ASTN1: variants seen among roughly 807,000 people sequenced by gnomAD.
The protein encoded by ASTN1 is astrotactin 1.
In ASTN1, 41 loss-of-function variants were observed where a neutral mutation model predicts 140.7. The ratio of observed to expected loss-of-function variants is 0.29; its 90% confidence interval spans 0.23 to 0.38. The LOEUF is 0.38. ASTN1 is among the 10% of genes least tolerant of loss of function. The pLI is 1.00. For missense variants in ASTN1, 1,479 were observed against 1,678.8 expected, an observed-to-expected ratio of 0.88 and a Z score of 2.08; for synonymous variants, 640 against 652.2, an observed-to-expected ratio of 0.98 and a Z score of 0.29.
At chr1:176,953,903 A>C (rs547233814) in intron 11 of ASTN1, among the ~76,000 whole-genome samples, 3 of 152,306 alleles carry the variant, frequency 2.0e-5, no homozygotes, top group South Asian at 2.1e-4. Context: ...TTTCAGAATG[A>C]GTGTGAAGTT....
chr1:176,875,485 G>T (rs1668523661), intron 21 of ASTN1, among the ~76,000 whole-genome samples: 2 of 152,192 alleles, frequency 1.3e-5, no homozygotes, highest in Non-Finnish European at 2.9e-5. Context: ...GCAGATTAAA[G>T]ATGAAAATCT....
intron 16 of ASTN1, among the ~76,000 whole-genome samples, chr1:176,903,552 T>TGCATTATCTTATAC (rs1216559836): frequency 6.6e-6 from 1 of 152,208 alleles, no homozygotes; most frequent in Non-Finnish European, 1.5e-5. Context: ...AATTTGTGTG[T>TGCATTATCTTATAC]GCATTATCTT....
chr1:176,972,082 A>G (rs1377759493), intron 8 of ASTN1, among the ~76,000 whole-genome samples: 1 of 152,224 alleles, frequency 6.6e-6, no homozygotes, highest in African/African-American at 2.4e-5. Flanking sequence ...TACTATACTG[A>G]ATACTATAGG....
At chr1:177,090,591 G>C (rs939381457) in intron 1 of ASTN1, among the ~76,000 whole-genome samples, 1 of 152,104 alleles carries the variant, frequency 6.6e-6, no homozygotes. Flanking sequence ...ATACCCATTT[G>C]ATAATAAATT....
At chr1:177,100,354 A>T (rs2102128061) in intron 1 of ASTN1, among the ~76,000 whole-genome samples, 1 of 152,286 alleles carries the variant, frequency 6.6e-6, no homozygotes, top group Admixed American at 6.5e-5. Context: ...GCAACTAAAT[A>T]TCATTCATTA....
rs1283746042 is a variant in ASTN1 at position 176,863,410 on chromosome 1, T to C, written c.*874A>G. On this transcript the variant is annotated 3_prime_UTR_variant, in exon 23 of 23. Coordinates refer to ENST00000361833, the MANE Select transcript of ASTN1 (RefSeq NM_004319.3). The stretch of plus-strand genomic sequence containing the variant: ...GATAATCCAGGCACATGGATATATA[T>C]TGGTAGGCTGGAGAAGTCTATCCAA... The C allele has an allele frequency of 2.0e-6, 2 of 985,682 alleles. No individual in the cohort carries two copies. The highest frequency in any genetic ancestry group is 1.7e-5 in the African/African-American group (1 of 57,224). The allele number at this position is 985,682 out of a possible 1,614,324, so 61.1% of individuals were successfully genotyped here.
intron 1 of ASTN1, among the ~76,000 whole-genome samples, chr1:177,098,525 C>T (rs1680148724): frequency 6.6e-6 from 1 of 152,114 alleles, no homozygotes; most frequent in Non-Finnish European, 1.5e-5. Context: ...CCTTTCCATA[C>T]AGTGACAAAG....
chr1:177,098,347 C>G (rs919317095), intron 1 of ASTN1, among the ~76,000 whole-genome samples: 5 of 152,084 alleles, frequency 3.3e-5, no homozygotes, highest in African/African-American at 1.2e-4. Context: ...TGAGTAGGAA[C>G]AGATCATCAT....
At chr1:177,125,322 G>T (rs1681589201) in intron 1 of ASTN1, among the ~76,000 whole-genome samples, 1 of 152,170 alleles carries the variant, frequency 6.6e-6, no homozygotes, top group African/African-American at 2.4e-5. Flanking sequence ...TGAGTATAAT[G>T]AAATTAATGT....
intron 8 of ASTN1, among the ~76,000 whole-genome samples, chr1:176,999,712 G>A (rs1674626398): frequency 6.6e-6 from 1 of 152,106 alleles, no homozygotes; most frequent in African/African-American, 2.4e-5. Flanking sequence ...TCAGTATGGG[G>A]AGGGACCCGG....
intron 8 of ASTN1, among the ~76,000 whole-genome samples, chr1:176,996,289 T>TCTCTCA (rs1553240565): frequency 1.2e-4 from 16 of 129,302 alleles, no homozygotes; most frequent in South Asian, 7.8e-4. Context: ...TCTCTCTCTC[T>TCTCTCA]CACACACACA....
At chr1:176,934,361 A>G (rs779547506) in intron 15 of ASTN1, 21 bp from the exon 16 acceptor site, 44 of 1,579,812 alleles carry the variant, frequency 2.8e-5, no homozygotes, top group Admixed American at 3.4e-5. Context: ...GCATCACCCA[A>G]GGGTAAGAAT....
At chr1:177,161,599 A>G (rs554093466) in intron 1 of ASTN1, among the ~76,000 whole-genome samples, 1 of 152,338 alleles carries the variant, frequency 6.6e-6, no homozygotes, top group Non-Finnish European at 1.5e-5. Flanking sequence ...CAAAGTCTTG[A>G]AACAGTCCAG....
At chr1:176,942,467 G>A (rs978729450) in intron 14 of ASTN1, among the ~76,000 whole-genome samples, 1 of 152,048 alleles carries the variant, frequency 6.6e-6, no homozygotes, top group Non-Finnish European at 1.5e-5. Context: ...GTCTGGAAGA[G>A]ACCTACCCTT....
intron 20 of ASTN1, among the ~76,000 whole-genome samples, 159 bp downstream of exon 20, chr1:176,882,700 T>C (rs969438417): frequency 2.0e-5 from 3 of 152,226 alleles, no homozygotes; most frequent in Admixed American, 1.3e-4. Flanking sequence ...AGTGTCTAAG[T>C]ACTCGAGAAC....
chr1:177,044,509 G>A (rs984803969), intron 2 of ASTN1, among the ~76,000 whole-genome samples: 1 of 152,198 alleles, frequency 6.6e-6, no homozygotes, highest in Non-Finnish European at 1.5e-5. Context: ...CGCAGGCCTG[G>A]CGCTCACCAG....
At chr1:177,043,430 A>C (rs1157789374) in intron 2 of ASTN1, among the ~76,000 whole-genome samples, 2 of 152,254 alleles carry the variant, frequency 1.3e-5, no homozygotes, top group Non-Finnish European at 2.9e-5. Flanking sequence ...CATGTTTTGC[A>C]TTAGAACCCA....
chr1:176,869,033 GA>G lies in ASTN1; in HGVS notation c.3464-7del. The G allele has an allele frequency of 1.9e-6, 3 of 1,568,148 alleles. No individual in the cohort carries two copies. The highest frequency in any genetic ancestry group is 2.6e-6 in the Non-Finnish European group (3 of 1,157,180). ...GTAGATCTTGTCTGCTATTTCTGAGGAAGGAGGAAAAGGAAAATAAGTTATT... is the reference window on the plus strand; with the variant it reads ...GTAGATCTTGTCTGCTATTTCTGAGGAGGAGGAAAAGGAAAATAAGTTATT... On this transcript the variant is annotated splice_polypyrimidine_tract_variant and splice_region_variant and intron_variant, in intron 21 of 22. Transcript: ENST00000361833.
At chr1:177,014,942 A>G in intron 7 of ASTN1, 67 bp from the exon 8 acceptor site, 1 of 1,410,624 alleles carries the variant, frequency 7.1e-7, no homozygotes, top group Non-Finnish European at 1.0e-6. Flanking sequence ...CTGTGTTTGT[A>G]AAAATTAACA....
Sources: allele counts gnomAD v4.1 joint callset (sites outside exome capture counted in the v4.1 genomes callset), GRCh38; gene constraint gnomAD v4.1.1; transcripts MANE v1.5; gene names NCBI Gene and HGNC (gene_info 2026-07-23, HGNC 2026-07-21).